CDK14: variants seen among roughly 807,000 people sequenced by gnomAD.
The protein encoded by CDK14 is cyclin-dependent kinase 14.
A neutral mutation model predicts 60.7 loss-of-function variants in CDK14; 34 were observed. That is an observed-to-expected ratio of 0.56 (90% CI 0.43 to 0.75). CDK14 has a LOEUF of 0.75. Among genes scored for constraint, CDK14 ranks in the 30% least tolerant of loss-of-function variants. The pLI, the probability that CDK14 is intolerant of heterozygous loss-of-function variation, is 0.00. For synonymous variants in CDK14, 197 were observed against 203.7 expected (o/e 0.97, Z 0.28); for missense variants, 482 against 564.1 (o/e 0.85, Z 1.47).
rs1329809400 is a variant in CDK14, at chr7:90,620,710, A to G, written c.123+16461A>G. Among the ~76,000 whole-genome samples the G allele has an allele frequency of 5.9e-5, 9 of 152,118 alleles. No individual in the cohort carries two copies. In the East Asian group the frequency reaches 1.7e-3, roughly 29 times the overall value. On this transcript the variant is annotated intron_variant, in intron 2 of 14. Coordinates refer to ENST00000380050, the MANE Select transcript of CDK14 (RefSeq NM_001287135.2). ...TGCCTCTCAAAGCATTGGCACATGC[A>G]GTGTGGTGCTGCACGTGACATTTGG...
chr7:91,157,659 C>T (rs1052975660), intron 14 of CDK14, among the ~76,000 whole-genome samples: 6 of 152,036 alleles, frequency 3.9e-5, no homozygotes, highest in African/African-American at 9.7e-5. Flanking sequence ...TAGAGAGTGA[C>T]GGCAATCATA....
At chr7:90,633,960 T>A (rs1180160229) in intron 2 of CDK14, among the ~76,000 whole-genome samples, 1 of 152,182 alleles carries the variant, frequency 6.6e-6, no homozygotes, top group Non-Finnish European at 1.5e-5. Flanking sequence ...TTTTAAAAGA[T>A]GTTTAATTGA....
intron 2 of CDK14, among the ~76,000 whole-genome samples, chr7:90,634,726 T>G (rs1800095032): frequency 6.6e-6 from 1 of 151,808 alleles, no homozygotes; most frequent in Non-Finnish European, 1.5e-5. Context: ...CCACAATGGT[T>G]GAACTAGTTT....
chr7:91,047,396 A>C (rs1163099426), intron 11 of CDK14, among the ~76,000 whole-genome samples: 3 of 152,250 alleles, frequency 2.0e-5, no homozygotes, highest in Non-Finnish European at 2.9e-5. Context: ...CATCAACAAC[A>C]TACAAAAGCA....
At chr7:90,833,392 A>G (rs1026587017) in intron 5 of CDK14, among the ~76,000 whole-genome samples, 1 of 152,246 alleles carries the variant, frequency 6.6e-6, no homozygotes, top group African/African-American at 2.4e-5. Context: ...AGGCTGAGGT[A>G]CAACAATCCC....
At chr7:90,889,218 C>G (rs1019213598) in intron 6 of CDK14, among the ~76,000 whole-genome samples, 3 of 152,170 alleles carry the variant, frequency 2.0e-5, no homozygotes, top group African/African-American at 7.2e-5. Context: ...ACTTCAGACA[C>G]TTGAACTATT....
At chr7:90,886,498 G>A (rs1167663365) in intron 6 of CDK14, among the ~76,000 whole-genome samples, 2 of 151,994 alleles carry the variant, frequency 1.3e-5, no homozygotes, top group East Asian at 3.9e-4. Flanking sequence ...CCTCGCATAG[G>A]GAAAGCATTA....
chr7:90,800,161 C>G (rs1479524211), intron 5 of CDK14, among the ~76,000 whole-genome samples: 2 of 151,956 alleles, frequency 1.3e-5, no homozygotes, highest in African/African-American at 4.8e-5. Context: ...CTCCACCCTT[C>G]TTTATGTATT....
Position 91,037,412 on chromosome 7 carries a change from T to A in CDK14, c.1042-8485T>A, listed in dbSNP as rs560840813. Reference sequence around the variant, plus strand: ...ATAGACATACACGTATGTATGTGCATGTGTATGTGTGCGCGCGCATGTGTG... The same window carrying A: ...ATAGACATACACGTATGTATGTGCAAGTGTATGTGTGCGCGCGCATGTGTG... On this transcript the variant is annotated intron_variant, in intron 10 of 14. Transcript: ENST00000380050. Among the ~76,000 whole-genome samples, 14 of 152,224 alleles carry A rather than the reference T, an allele frequency of 9.2e-5. No homozygotes were observed. The South Asian group carries it at 2.7e-3, about 29-fold the overall frequency.
intron 11 of CDK14, among the ~76,000 whole-genome samples, chr7:91,077,745 C>T (rs1374713648): frequency 7.8e-5 from 1 of 12,792 alleles, no homozygotes; most frequent in Non-Finnish European, 1.4e-4. Context: ...CACTTTTATA[C>T]ACACACACAC....
At chr7:90,688,482 T>A (rs1414654231) in intron 2 of CDK14, among the ~76,000 whole-genome samples, 1 of 152,178 alleles carries the variant, frequency 6.6e-6, no homozygotes, top group Non-Finnish European at 1.5e-5. Context: ...TATAATAATT[T>A]CTCTTTTTTA....
At chr7:90,882,505 T>C (rs1791794999) in intron 6 of CDK14, among the ~76,000 whole-genome samples, 1 of 152,204 alleles carries the variant, frequency 6.6e-6, no homozygotes. Context: ...TGGGAAACTT[T>C]AACACCCATT....
At chr7:90,974,992 A>G (rs935906345) in intron 9 of CDK14, among the ~76,000 whole-genome samples, 5 of 152,214 alleles carry the variant, frequency 3.3e-5, no homozygotes, top group African/African-American at 1.2e-4. Flanking sequence ...TAAAAGCAAA[A>G]GACCAAATCT....
At chr7:90,890,046 C>T (rs1327144020) in intron 6 of CDK14, among the ~76,000 whole-genome samples, 1 of 152,086 alleles carries the variant, frequency 6.6e-6, no homozygotes, top group Non-Finnish European at 1.5e-5. Flanking sequence ...AAAATGCTTG[C>T]AATGTTTTGT....
At chr7:90,622,268 T>A (rs1217451663) in intron 2 of CDK14, among the ~76,000 whole-genome samples, 1 of 117,588 alleles carries the variant, frequency 8.5e-6, no homozygotes, top group African/African-American at 3.3e-5. Flanking sequence ...TGCCTGCATC[T>A]TTTTATCCCT....
chr7:90,609,565 T>TCTGCCATGTAAGAAG (rs1185824236), intron 2 of CDK14, among the ~76,000 whole-genome samples: 4 of 152,146 alleles, frequency 2.6e-5, no homozygotes, highest in Non-Finnish European at 5.9e-5. Context: ...GCTCTTAGCT[T>TCTGCCATGTAAGAAG]CTGCCATGTA....
chr7:91,010,946 T>G (rs1796143446), intron 10 of CDK14, among the ~76,000 whole-genome samples: 2 of 150,706 alleles, frequency 1.3e-5, no homozygotes, highest in Admixed American at 6.6e-5. Flanking sequence ...GAATGGACAT[T>G]CTTGCATTGT....
intron 2 of CDK14, among the ~76,000 whole-genome samples, chr7:90,612,677 C>T (rs1799566400): frequency 6.8e-6 from 1 of 146,722 alleles, no homozygotes; most frequent in Non-Finnish European, 1.5e-5. Flanking sequence ...GAGGCTGAGG[C>T]AGGAAAATCG....
intron 2 of CDK14, among the ~76,000 whole-genome samples, chr7:90,655,997 C>T (rs148437280): frequency 0.017 from 2,650 of 152,254 alleles, 25 homozygotes; most frequent in Middle Eastern, 0.041. Flanking sequence ...GTCTCTGCAG[C>T]CTGGGGATGT....
Sources: allele counts gnomAD v4.1 joint callset (sites outside exome capture counted in the v4.1 genomes callset), GRCh38; gene constraint gnomAD v4.1.1; transcripts MANE v1.5; gene names NCBI Gene and HGNC (gene_info 2026-07-23, HGNC 2026-07-21).